The following LRRC9 variants were observed in gnomAD, a reference collection of about 807,000 sequenced individuals.
LRRC9 encodes leucine rich repeat containing 9.
LRRC9 carries 122 observed loss-of-function variants against 63.2 expected under a neutral mutation model. That is an observed-to-expected ratio of 1.93 (90% CI 1.67 to 2.24). The LOEUF (loss-of-function observed/expected upper bound fraction) is 2.24, where lower values mean the gene tolerates loss of function less well. Ranked by LOEUF, LRRC9 falls within the 30% of genes most tolerant of loss-of-function variation. The pLI is 0.00. For missense variants in LRRC9, 1,071 were observed against 627.7 expected (o/e 1.71, Z -7.55); for synonymous variants, 366 against 213.1 (o/e 1.72, Z -6.25).
intron 26 of LRRC9, 105 bp from the exon 27 acceptor site, chr14:60,022,629 A>C: frequency 2.4e-6 from 1 of 409,972 alleles, no homozygotes; most frequent in Non-Finnish European, 4.3e-6. Flanking sequence ...ATAAATTTAT[A>C]TTTTCTTAAC....
At chr14:60,018,265 G>A (rs1250147683) in intron 24 of LRRC9, 106 bp from the exon 25 acceptor site, 1 of 658,420 alleles carries the variant, frequency 1.5e-6, no homozygotes, top group East Asian at 2.8e-5. Context: ...CTTGTCAGGT[G>A]AGACTTTTTA....
chr14:59,967,363 A>ATAGC, intron 12 of LRRC9, 150 bp downstream of exon 12: 2 of 449,628 alleles, frequency 4.4e-6, no homozygotes, highest in Non-Finnish European at 8.0e-6. Context: ...CATGGAAAGT[A>ATAGC]TAGCATCTTT....
chr14:59,977,365 AT>A lies in LRRC9; in HGVS notation c.1762+20del. ...TTTACTAAGTATGTCTATCATAAAGATTAATGTGGTTTTATCTCTCTGAATG... is the reference window on the plus strand; with the variant it reads ...TTTACTAAGTATGTCTATCATAAAGATAATGTGGTTTTATCTCTCTGAATG... On this transcript the variant is annotated intron_variant, in intron 14 of 31. Coordinates refer to ENST00000445360, the Ensembl canonical transcript of LRRC9. The A allele has an allele frequency of 1.5e-6, 1 of 664,906 alleles. No individual in the cohort carries two copies. The highest frequency in any genetic ancestry group is 1.7e-5 in the South Asian group (1 of 60,252). 41.2% of individuals were successfully genotyped at this position (664,906 alleles called of 1,614,324 possible).
chr14:59,928,516 G>C, intron 3 of LRRC9, 30 bp downstream of exon 3: 2 of 580,364 alleles, frequency 3.4e-6, no homozygotes, highest in Non-Finnish European at 6.0e-6. Flanking sequence ...CTCACATGGA[G>C]TATTTTATTC....
At chr14:60,025,274 TC>T (rs961875247) in intron 27 of LRRC9, among the ~76,000 whole-genome samples, 1 of 151,072 alleles carries the variant, frequency 6.6e-6, no homozygotes, top group Non-Finnish European at 1.5e-5. Context: ...AATTTTTCTA[TC>T]TTTTTTTTTT....
At chr14:59,957,669 T>C (rs1406546935) in intron 8 of LRRC9, among the ~76,000 whole-genome samples, 2 of 152,182 alleles carry the variant, frequency 1.3e-5, no homozygotes, top group Non-Finnish European at 2.9e-5. Flanking sequence ...TTTTGTGCTG[T>C]TGCTGGAGAG....
At chr14:60,043,182 T>C (rs1034781300) in intron 29 of LRRC9, among the ~76,000 whole-genome samples, 1 of 152,240 alleles carries the variant, frequency 6.6e-6, no homozygotes, top group Admixed American at 6.5e-5. Context: ...TATTAGCTCT[T>C]AACAGTTTTT....
At chr14:59,968,906 G>A (rs1885159116) in intron 12 of LRRC9, among the ~76,000 whole-genome samples, 2 of 152,136 alleles carry the variant, frequency 1.3e-5, no homozygotes, top group African/African-American at 4.8e-5. Context: ...CATTTGAAAT[G>A]TGGCTAGTCC....
downstream of LRRC9, among the ~76,000 whole-genome samples, chr14:60,066,448 C>T (rs550101509): frequency 3.9e-5 from 6 of 152,138 alleles, no homozygotes; most frequent in South Asian, 4.1e-4. Context: ...CAAGCACTTA[C>T]GGCCAAATTC....
exon 14 of LRRC9, chr14:59,977,279 A>T: frequency 1.4e-6 from 1 of 701,158 alleles, no homozygotes; most frequent in Non-Finnish European, 2.6e-6. Context: ...GCCCATGAAA[A>T]AGAATCCATC....
chr14:59,938,563 A>G lies in LRRC9; in HGVS notation c.717A>G (p.Glu239=), dbSNP rs1881300538. 1 of 691,852 alleles carries G rather than the reference A, an allele frequency of 1.4e-6. No individual in the cohort carries two copies. The highest frequency in any genetic ancestry group is 1.8e-5 in the African/African-American group (1 of 56,530). The allele number at this position is 691,852 out of a possible 1,614,324, so 42.9% of individuals were successfully genotyped here. ...ATGTGTCAGCAAAGCAAATCAAGGA[A>G]CTGGCAGATGTAAGTACATCCCTAA... Residue 239 remains glutamate (E), a synonymous_variant, in exon 7 of 32, where the codon GAA becomes GAG. Transcript: ENST00000445360. The surrounding 1 kb of genome is among the most constrained non-coding windows in gnomAD (Gnocchi z 4.2).
chr14:59,933,894 A>C (rs1219075851), intron 6 of LRRC9, among the ~76,000 whole-genome samples: 1 of 152,158 alleles, frequency 6.6e-6, no homozygotes, highest in Non-Finnish European at 1.5e-5. Context: ...TATATATAGC[A>C]ATATTGGAAG....
chr14:59,934,012 T>C (rs929516045), intron 6 of LRRC9, among the ~76,000 whole-genome samples: 1 of 152,112 alleles, frequency 6.6e-6, no homozygotes, highest in Non-Finnish European at 1.5e-5. Flanking sequence ...AAATGTTCTT[T>C]AGGGATAGTG....
At chr14:60,010,441 G>A (rs1890169774) in intron 23 of LRRC9, among the ~76,000 whole-genome samples, 1 of 127,080 alleles carries the variant, frequency 7.9e-6, no homozygotes, top group African/African-American at 2.6e-5. Flanking sequence ...AAAGTATGGG[G>A]GCCCTGGACC....
At chr14:59,991,039 A>T (rs2140146483) in intron 17 of LRRC9, among the ~76,000 whole-genome samples, 1 of 152,292 alleles carries the variant, frequency 6.6e-6, no homozygotes. Context: ...TTATGTGTGG[A>T]TTCACAGCAT....
intron 29 of LRRC9, among the ~76,000 whole-genome samples, chr14:60,052,622 A>C (rs1231335561): frequency 6.6e-6 from 1 of 152,240 alleles, no homozygotes; most frequent in African/African-American, 2.4e-5. Flanking sequence ...TGAAGTTAAC[A>C]ACCTCAAACC....
At chr14:59,975,113 G>GTATATATATATACATATATATATGTA (rs1886045949) in intron 13 of LRRC9, among the ~76,000 whole-genome samples, 1 of 13,508 alleles carries the variant, frequency 7.4e-5, no homozygotes, top group African/African-American at 1.2e-4. Flanking sequence ...ATATATATAT[G>GTATATATATATACATATATATATGTA]TATATATATA....
intron 8 of LRRC9, among the ~76,000 whole-genome samples, chr14:59,946,208 A>C (rs117104143): frequency 0.055 from 8,323 of 151,422 alleles, 282 homozygotes; most frequent in Middle Eastern, 0.15. Context: ...TTAAAAACCA[A>C]GGTTTTGAAA....
chr14:60,035,905 G>A (rs1373666913), intron 29 of LRRC9, among the ~76,000 whole-genome samples: 1 of 152,114 alleles, frequency 6.6e-6, no homozygotes, highest in Non-Finnish European at 1.5e-5. Context: ...TATGTAAATT[G>A]CTCTGGGTAG....
Sources: allele counts gnomAD v4.1 joint callset (sites outside exome capture counted in the v4.1 genomes callset), GRCh38; gene constraint gnomAD v4.1.1; non-coding constraint Gnocchi (gnomAD v3.1); transcripts MANE v1.5; gene names NCBI Gene and HGNC (gene_info 2026-07-23, HGNC 2026-07-21).